Variants in FGD2 observed in about 807,000 individuals in gnomAD.
The protein encoded by FGD2 is FYVE, RhoGEF and PH domain containing 2.
Under a neutral mutation model 75.9 loss-of-function variants are expected in FGD2, and 52 were observed. The ratio of observed to expected loss-of-function variants is 0.69; its 90% confidence interval spans 0.55 to 0.86. The LOEUF is 0.86. Among genes scored for constraint, FGD2 ranks in the 40% least tolerant of loss-of-function variants. The pLI is 0.00. For synonymous variants in FGD2, 347 were observed against 348.6 expected (o/e 1.00, Z 0.05); for missense variants, 790 against 872.0 (o/e 0.91, Z 1.18).
chr6:37,005,815 A>G lies in FGD2; in HGVS notation c.-3A>G, dbSNP rs200927260. ...GCTGAGATCCACCCCGGAAACCGGCAGGATGAAGGGGGCAAGTGAGGAGAA... is the reference window on the plus strand; with the variant it reads ...GCTGAGATCCACCCCGGAAACCGGCGGGATGAAGGGGGCAAGTGAGGAGAA... On this transcript the variant is annotated 5_prime_UTR_variant, in exon 1 of 16. Transcript: ENST00000274963. 6.2e-5 allele frequency: 100 copies of G among 1,613,660 alleles called. 1 individual carries two copies. In the African/African-American group the frequency reaches 1.1e-3, roughly 18 times the overall value.
At chr6:37,006,559 C>T (rs844247) in intron 1 of FGD2, among the ~76,000 whole-genome samples, 2,830 of 152,128 alleles carry the variant, frequency 0.019, 78 homozygotes, top group African/African-American at 0.058. Flanking sequence ...AGGGAAAAGG[C>T]TGGGCCAGAT....
At chr6:37,025,654 C>A in intron 13 of FGD2, 138 bp from the exon 14 acceptor site, 1 of 849,336 alleles carries the variant, frequency 1.2e-6, no homozygotes. Flanking sequence ...CCCCGCTCTG[C>A]CTCTATTCCT....
chr6:37,028,064 C>T lies in FGD2; in HGVS notation c.1869C>T (p.Ala623=), dbSNP rs143738959. The T allele has an allele frequency of 3.0e-4, 492 of 1,613,894 alleles. No homozygotes were observed. In the African/African-American group the frequency reaches 5.6e-3, roughly 18 times the overall value. Residue 623 remains alanine (A), a synonymous_variant, in exon 16 of 16, where the codon GCC becomes GCT. Coordinates refer to ENST00000274963, the MANE Select transcript of FGD2 (RefSeq NM_173558.4). ...CAGGCCAGCTCTACACCTTCAAGGC[C>T]GAGACGGAGGAGCTGAAGGGCCGCT... ...QQSGQLYTFK[A]ETEELKGRWV...
chr6:37,009,168 G>T (rs1363281475), intron 2 of FGD2, 103 bp downstream of exon 2: 1 of 1,164,132 alleles, frequency 8.6e-7, no homozygotes, highest in East Asian at 2.6e-5. Flanking sequence ...AGTTCCCCAG[G>T]TGGGGGTATG....
chr6:37,026,959 G>A (rs1765853207), intron 14 of FGD2, among the ~76,000 whole-genome samples: 1 of 151,498 alleles, frequency 6.6e-6, no homozygotes, highest in Non-Finnish European at 1.5e-5. Context: ...AATGTGTTGA[G>A]ATTGCACCAT....
At chr6:37,012,747 G>A (rs1765072960) in intron 4 of FGD2, among the ~76,000 whole-genome samples, 1 of 150,944 alleles carries the variant, frequency 6.6e-6, no homozygotes, top group Non-Finnish European at 1.5e-5. Context: ...GAAAAGAGAA[G>A]GATATAACCC....
intron 2 of FGD2, 139 bp downstream of exon 2, chr6:37,009,204 T>C (rs756196365): frequency 3.3e-5 from 25 of 756,952 alleles, no homozygotes; most frequent in Non-Finnish European, 5.2e-5. Flanking sequence ...AGCTGGGAGC[T>C]AGATTTCCCC....
At chr6:37,022,458 G>A in intron 13 of FGD2, 88 bp downstream of exon 13, 2 of 1,465,836 alleles carry the variant, frequency 1.4e-6, no homozygotes, top group South Asian at 1.4e-5. Context: ...TCCTACCTAG[G>A]CCTCCGCTTG....
chr6:37,022,217 C>T lies in FGD2; in HGVS notation c.1327-22C>T, dbSNP rs768286904. 16 of 1,595,720 alleles carry T rather than the reference C, an allele frequency of 1.0e-5. No individual in the cohort carries two copies. In the African/African-American group the frequency reaches 2.2e-4, roughly 22 times the overall value. On this transcript the variant is annotated intron_variant, in intron 12 of 15. Coordinates refer to ENST00000274963, the MANE Select transcript of FGD2 (RefSeq NM_173558.4). Reference sequence around the variant, plus strand: ...GAAGGTCACCAAGGGCCCATTCCTGCCCAACTCCCCTTAACCCACAGCTGC... The same window carrying T: ...GAAGGTCACCAAGGGCCCATTCCTGTCCAACTCCCCTTAACCCACAGCTGC...
intron 8 of FGD2, 27 bp downstream of exon 8, chr6:37,015,065 C>T: frequency 6.2e-7 from 1 of 1,603,756 alleles, no homozygotes; most frequent in Non-Finnish European, 8.5e-7. Context: ...AGCTCCTCTC[C>T]ACACTGGGGA....
At chr6:37,015,966 T>G (rs1765266888) in intron 9 of FGD2, 106 bp downstream of exon 9, 1 of 1,026,844 alleles carries the variant, frequency 9.7e-7, no homozygotes, top group Non-Finnish European at 1.4e-6. Context: ...ACCAAACCCT[T>G]GCAGGGCCTG....
chr6:37,008,720 A>G (rs372675574), intron 1 of FGD2, 114 bp from the exon 2 acceptor site: 13 of 925,042 alleles, frequency 1.4e-5, no homozygotes, highest in African/African-American at 1.3e-4. Flanking sequence ...CCAGGCACCC[A>G]GGGGCCCCTG....
At chr6:37,027,623 A>C in intron 15 of FGD2, 48 bp downstream of exon 15, 2 of 1,608,564 alleles carry the variant, frequency 1.2e-6, no homozygotes, top group Non-Finnish European at 8.5e-7. Context: ...GCCTTCCCAC[A>C]GCGTGTGTGT....
At chr6:37,010,934 C>T (rs747805509) in intron 2 of FGD2, 39 bp from the exon 3 acceptor site, 2 of 1,599,012 alleles carry the variant, frequency 1.3e-6, no homozygotes, top group South Asian at 2.2e-5. Flanking sequence ...AAGCTGTCTT[C>T]CCCCTTTTTC....
At chr6:37,027,306 G>A in intron 14 of FGD2, 123 bp from the exon 15 acceptor site, 3 of 1,176,284 alleles carry the variant, frequency 2.6e-6, no homozygotes, top group South Asian at 1.7e-5. Context: ...GAGCCTCAAG[G>A]ACCAAGGACC....
At chr6:37,022,085 G>A (rs568244782) in intron 12 of FGD2, 154 bp from the exon 13 acceptor site, 24 of 1,026,396 alleles carry the variant, frequency 2.3e-5, no homozygotes, top group Middle Eastern at 3.1e-4. Flanking sequence ...ATAAGGTCTC[G>A]ATCAGGTCAG....
At chr6:37,008,768 AG>A in intron 1 of FGD2, 65 bp from the exon 2 acceptor site, 1 of 1,465,354 alleles carries the variant, frequency 6.8e-7, no homozygotes, top group Non-Finnish European at 9.1e-7. Context: ...AATCCACACC[AG>A]GGACTTGCTG....
chr6:37,024,958 C>G (rs1318005943), intron 13 of FGD2: 5 of 152,424 alleles, frequency 3.3e-5, no homozygotes, highest in African/African-American at 7.2e-5. Flanking sequence ...CTGGTGCCGC[C>G]TGATGAACTA....
chr6:37,021,007 CGT>C (rs1275388434), intron 11 of FGD2, among the ~76,000 whole-genome samples: 1 of 142,164 alleles, frequency 7.0e-6, no homozygotes, highest in Non-Finnish European at 1.5e-5. Context: ...CATGTGTGTG[CGT>C]GTGTACATGT....
Sources: allele counts gnomAD v4.1 joint callset (sites outside exome capture counted in the v4.1 genomes callset), GRCh38; gene constraint gnomAD v4.1.1; transcripts MANE v1.5; gene names NCBI Gene and HGNC (gene_info 2026-07-23, HGNC 2026-07-21).